The following XKR6 variants were observed in gnomAD, a reference collection of about 807,000 sequenced individuals.
The protein encoded by XKR6 is XK-related protein 6.
XKR6 carries 22 observed loss-of-function variants against 56.7 expected under a neutral mutation model. That is an observed-to-expected ratio of 0.39 (90% CI 0.28 to 0.55). The LOEUF is 0.55. Among genes scored for constraint, XKR6 ranks in the 20% least tolerant of loss-of-function variants. The probability of loss-of-function intolerance (pLI) is 0.66; values close to 1 mark genes in which losing one functional copy is unlikely to be tolerated. For synonymous variants in XKR6, 524 were observed against 387.8 expected (o/e 1.35, Z -4.13); for missense variants, 852 against 889.0 (o/e 0.96, Z 0.53).
At chr8:10,961,712 G>A (rs1161792217) in intron 1 of XKR6, among the ~76,000 whole-genome samples, 6 of 152,238 alleles carry the variant, frequency 3.9e-5, no homozygotes, top group Non-Finnish European at 8.8e-5. Context: ...CTGGAAAAAT[G>A]AGATTCTGAA....
intron 1 of XKR6, among the ~76,000 whole-genome samples, chr8:11,078,559 GGGGA>G (rs899735902): frequency 3.9e-5 from 6 of 152,202 alleles, no homozygotes; most frequent in African/African-American, 7.2e-5. Context: ...GAGAGGATTT[GGGGA>G]AGGAAGTGCA....
At chr8:10,919,704 G>C (rs1322766373) in intron 2 of XKR6, among the ~76,000 whole-genome samples, 1 of 152,168 alleles carries the variant, frequency 6.6e-6, no homozygotes, top group African/African-American at 2.4e-5. Flanking sequence ...TCTGCATGCA[G>C]CCCTGTCTGA....
intron 1 of XKR6, among the ~76,000 whole-genome samples, chr8:11,071,871 A>T (rs566017144): frequency 7.3e-5 from 11 of 150,688 alleles, no homozygotes; most frequent in Non-Finnish European, 1.6e-4. Flanking sequence ...ACAGGGAATC[A>T]CTCTTCCTTT....
chr8:11,012,161 A>G (rs1798514887), intron 1 of XKR6, among the ~76,000 whole-genome samples: 1 of 152,102 alleles, frequency 6.6e-6, no homozygotes, highest in South Asian at 2.1e-4. Context: ...TGCAGAAGCT[A>G]CCACTCATCT....
intron 1 of XKR6, among the ~76,000 whole-genome samples, chr8:11,012,100 T>C (rs1013594386): frequency 1.3e-5 from 2 of 152,160 alleles, no homozygotes; most frequent in African/African-American, 2.4e-5. Flanking sequence ...GCAGTCCCCA[T>C]CTAAGCAGAT....
At chr8:11,070,508 A>T (rs1800088603) in intron 1 of XKR6, among the ~76,000 whole-genome samples, 1 of 152,210 alleles carries the variant, frequency 6.6e-6, no homozygotes, top group Non-Finnish European at 1.5e-5. Flanking sequence ...AGCAAAATAA[A>T]GAAACACAAA....
intron 1 of XKR6, among the ~76,000 whole-genome samples, chr8:11,166,179 A>G (rs1802060686): frequency 6.6e-6 from 1 of 152,162 alleles, no homozygotes; most frequent in Non-Finnish European, 1.5e-5. Context: ...CATACTATTC[A>G]CTGAAGAGGA....
chr8:10,933,124 G>C (rs1390087000), intron 1 of XKR6, among the ~76,000 whole-genome samples: 1 of 150,046 alleles, frequency 6.7e-6, no homozygotes, highest in Non-Finnish European at 1.5e-5. Flanking sequence ...TAGTGGTTTT[G>C]ATTTGCATTT....
chr8:10,986,967 C>T (rs1490134660), intron 1 of XKR6, among the ~76,000 whole-genome samples: 2 of 151,336 alleles, frequency 1.3e-5, no homozygotes, highest in Non-Finnish European at 2.9e-5. Context: ...AAATAGTTTT[C>T]TCTTAGAGAT....
rs1003844738 is a variant in XKR6 at position 11,200,350 on chromosome 8, G to A, written c.764+226C>T. Reference sequence around the variant, plus strand: ...CAAGAGCCCCGCCGAGTGCGAAGCGGGGACGAGGACGGGCCAACGGCAGGT... The same window carrying A: ...CAAGAGCCCCGCCGAGTGCGAAGCGAGGACGAGGACGGGCCAACGGCAGGT... On this transcript the variant is annotated intron_variant, in intron 1 of 2. Coordinates refer to ENST00000416569, the MANE Select transcript of XKR6 (RefSeq NM_173683.4). This position sits in a 1 kb window ranked among gnomAD's most constrained non-coding sequence, Gnocchi z 6.4. 9.8e-5 allele frequency among the ~76,000 whole-genome samples: 15 copies of A among 152,346 alleles called. 1 individual carries two copies. The highest frequency in any genetic ancestry group is 4.1e-4 in the South Asian group (2 of 4,832).
intron 1 of XKR6, among the ~76,000 whole-genome samples, chr8:11,158,022 A>G (rs1372878417): frequency 6.6e-6 from 1 of 152,200 alleles, no homozygotes; most frequent in Non-Finnish European, 1.5e-5. Context: ...TTACAACTTA[A>G]AAGTTGGTGA....
At chr8:11,188,860 G>A (rs539136691) in intron 1 of XKR6, among the ~76,000 whole-genome samples, 18 of 152,172 alleles carry the variant, frequency 1.2e-4, no homozygotes, top group East Asian at 1.9e-4. Flanking sequence ...GAGCTTCTCC[G>A]TTACAAGGTT....
intron 1 of XKR6, among the ~76,000 whole-genome samples, chr8:10,973,377 CT>C (rs1227936780): frequency 6.6e-6 from 1 of 152,180 alleles, no homozygotes; most frequent in Non-Finnish European, 1.5e-5. Context: ...TCCCTGGCCC[CT>C]GGACCCCAAC....
chr8:11,132,108 G>C (rs76474289), intron 1 of XKR6, among the ~76,000 whole-genome samples: 3,664 of 152,196 alleles, frequency 0.024, 175 homozygotes, highest in African/African-American at 0.085. Flanking sequence ...TGATGCAGTA[G>C]GTCTGGTGCA....
At chr8:10,917,017 G>A (rs944055869) in intron 2 of XKR6, among the ~76,000 whole-genome samples, 6 of 151,600 alleles carry the variant, frequency 4.0e-5, no homozygotes, top group African/African-American at 1.5e-4. Flanking sequence ...CGGAAAATCA[G>A]TGTTTATATG....
chr8:11,026,775 C>G (rs1798877052), intron 1 of XKR6, among the ~76,000 whole-genome samples: 1 of 151,858 alleles, frequency 6.6e-6, no homozygotes, highest in South Asian at 2.1e-4. Context: ...GATAGCCTAA[C>G]CTACTACACA....
At chr8:11,155,405 T>A (rs768531184) in intron 1 of XKR6, among the ~76,000 whole-genome samples, 10 of 152,176 alleles carry the variant, frequency 6.6e-5, no homozygotes, top group Non-Finnish European at 1.3e-4. Flanking sequence ...TTTTAAAATC[T>A]CATTTTATAA....
intron 1 of XKR6, among the ~76,000 whole-genome samples, chr8:10,960,034 C>G (rs1325961457): frequency 1.3e-5 from 2 of 152,226 alleles, no homozygotes; most frequent in Non-Finnish European, 2.9e-5. Context: ...AAAATTTGCA[C>G]CTGGCACCTT....
intron 1 of XKR6, among the ~76,000 whole-genome samples, chr8:11,154,595 C>T (rs1041700784): frequency 6.6e-6 from 1 of 152,194 alleles, no homozygotes; most frequent in African/African-American, 2.4e-5. Context: ...CCCAAACTTG[C>T]AGTTGGTGTG....
Sources: allele counts gnomAD v4.1 joint callset (sites outside exome capture counted in the v4.1 genomes callset), GRCh38; gene constraint gnomAD v4.1.1; non-coding constraint Gnocchi (gnomAD v3.1); transcripts MANE v1.5; gene names NCBI Gene and HGNC (gene_info 2026-07-23, HGNC 2026-07-21).